Variants in CCSER1 observed in about 807,000 individuals in gnomAD.
The protein encoded by CCSER1 is coiled-coil serine rich protein 1.
CCSER1 carries 41 observed loss-of-function variants against 82.0 expected under a neutral mutation model. The ratio of observed to expected loss-of-function variants is 0.50; its 90% CI spans 0.39 to 0.65. The LOEUF is 0.65. Ranked by LOEUF, CCSER1 falls within the 30% of genes least tolerant of loss-of-function variation. The pLI is 0.00. For synonymous variants in CCSER1, 414 were observed against 383.9 expected (o/e 1.08, Z -0.92); for missense variants, 1,119 against 1,064.2 (o/e 1.05, Z -0.72).
At chr4:91,123,069 T>C (rs540719539) in intron 10 of CCSER1, among the ~76,000 whole-genome samples, 119 of 151,866 alleles carry the variant, frequency 7.8e-4, no homozygotes, top group Middle Eastern at 3.4e-3. Flanking sequence ...TGGGCCTTTA[T>C]TATGCTGCAA....
intron 1 of CCSER1, among the ~76,000 whole-genome samples, chr4:90,243,644 T>A (rs1227484289): frequency 6.6e-6 from 1 of 152,004 alleles, no homozygotes; most frequent in African/African-American, 2.4e-5. Flanking sequence ...AGTCTCAACC[T>A]CCCAAAGCGC....
chr4:91,419,593 T>C (rs2149381757), intron 10 of CCSER1, among the ~76,000 whole-genome samples: 1 of 152,142 alleles, frequency 6.6e-6, no homozygotes, highest in Non-Finnish European at 1.5e-5. Context: ...TGCTCATGGA[T>C]TGAAAGAATT....
intron 4 of CCSER1, among the ~76,000 whole-genome samples, chr4:90,407,807 C>A (rs1018674671): frequency 1.3e-5 from 2 of 152,060 alleles, no homozygotes; most frequent in Non-Finnish European, 2.9e-5. Flanking sequence ...GGGTGTGGCG[C>A]ACCCTACATG....
chr4:91,323,605 C>G (rs184147326), intron 10 of CCSER1, among the ~76,000 whole-genome samples: 2 of 152,148 alleles, frequency 1.3e-5, no homozygotes, highest in African/African-American at 4.8e-5. Flanking sequence ...AGATATTTAC[C>G]TGAATTTCAA....
chr4:90,651,125 T>G lies in CCSER1; in HGVS notation c.1932+22893T>G, dbSNP rs1728672857. Among the ~76,000 whole-genome samples, 6 of 152,194 alleles carry G rather than the reference T, an allele frequency of 3.9e-5. 2 individuals carry two copies. In the South Asian group the frequency reaches 1.2e-3, roughly 32 times the overall value. ...AAATTTTCTCCTTTCTCTTCATTAA[T>G]CCACTCATATCTATTTCATCATGTT... On this transcript the variant is annotated intron_variant, in intron 6 of 10. Transcript: ENST00000509176.
At chr4:90,889,069 G>T (rs1411374089) in intron 8 of CCSER1, among the ~76,000 whole-genome samples, 1 of 152,064 alleles carries the variant, frequency 6.6e-6, no homozygotes, top group Non-Finnish European at 1.5e-5. Context: ...AAGAACGGAA[G>T]AAATCAAGAT....
intron 5 of CCSER1, among the ~76,000 whole-genome samples, chr4:90,480,060 A>G (rs1220374582): frequency 6.6e-6 from 1 of 152,112 alleles, no homozygotes; most frequent in Admixed American, 6.6e-5. Context: ...CTTTTTAATG[A>G]TTGCCATTCT....
At chr4:91,020,588 G>T (rs890018054) in intron 9 of CCSER1, among the ~76,000 whole-genome samples, 2 of 152,014 alleles carry the variant, frequency 1.3e-5, no homozygotes, top group African/African-American at 4.8e-5. Flanking sequence ...CGTGAACCCA[G>T]AAGGCGGGGC....
intron 10 of CCSER1, among the ~76,000 whole-genome samples, chr4:91,374,036 C>T (rs1750222597): frequency 6.6e-6 from 1 of 152,014 alleles, no homozygotes; most frequent in Non-Finnish European, 1.5e-5. Context: ...GTGAAGAAGT[C>T]ACAGAGAAAA....
At chr4:91,432,773 T>G (rs1754405272) in intron 10 of CCSER1, among the ~76,000 whole-genome samples, 1 of 152,192 alleles carries the variant, frequency 6.6e-6, no homozygotes, top group African/African-American at 2.4e-5. Flanking sequence ...ATTAGCTCTT[T>G]GTAGTAATAG....
chr4:91,296,068 A>C (rs1744139344), intron 10 of CCSER1, among the ~76,000 whole-genome samples: 1 of 151,838 alleles, frequency 6.6e-6, no homozygotes, highest in Non-Finnish European at 1.5e-5. Flanking sequence ...CTTAATTTGA[A>C]ATCAGATTTG....
At chr4:90,231,401 G>A (rs532331473) in intron 1 of CCSER1, among the ~76,000 whole-genome samples, 2,388 of 151,210 alleles carry the variant, frequency 0.016, 35 homozygotes, top group African/African-American at 0.041. Flanking sequence ...TGCGGAAAAG[G>A]CCTTTGACAA....
At chr4:90,886,681 GT>G (rs1722169064) in intron 8 of CCSER1, among the ~76,000 whole-genome samples, 1 of 152,028 alleles carries the variant, frequency 6.6e-6, no homozygotes, top group Admixed American at 6.6e-5. Flanking sequence ...GATTATCCTC[GT>G]TTTACTGATC....
intron 8 of CCSER1, among the ~76,000 whole-genome samples, chr4:90,887,907 C>A (rs1241662026): frequency 6.6e-6 from 1 of 151,836 alleles, no homozygotes; most frequent in Non-Finnish European, 1.5e-5. Flanking sequence ...ACAACAACAA[C>A]AAAAACACAA....
intron 9 of CCSER1, among the ~76,000 whole-genome samples, chr4:91,047,730 A>C (rs1227100625): frequency 6.6e-6 from 1 of 152,166 alleles, no homozygotes; most frequent in Non-Finnish European, 1.5e-5. Context: ...TTATTCTCAG[A>C]GGCCATTTTC....
chr4:90,929,215 CAAT>C (rs1169188592), intron 9 of CCSER1, among the ~76,000 whole-genome samples: 11 of 151,814 alleles, frequency 7.2e-5, no homozygotes, highest in Non-Finnish European at 1.6e-4. Context: ...AGAAAGCACT[CAAT>C]GATTACTTGG....
chr4:90,644,495 A>G (rs375583545), intron 6 of CCSER1, among the ~76,000 whole-genome samples: 2 of 151,968 alleles, frequency 1.3e-5, no homozygotes, highest in African/African-American at 4.8e-5. Flanking sequence ...ATTCCAGGAT[A>G]TATGTGCAGA....
chr4:91,014,872 C>T (rs1739291146), intron 9 of CCSER1, among the ~76,000 whole-genome samples: 1 of 152,044 alleles, frequency 6.6e-6, no homozygotes, highest in Admixed American at 6.6e-5. Flanking sequence ...CCACATAGGA[C>T]TGGAAGGTGA....
chr4:90,446,812 C>T (rs768471290), intron 4 of CCSER1, among the ~76,000 whole-genome samples: 14 of 152,094 alleles, frequency 9.2e-5, no homozygotes, highest in Non-Finnish European at 1.3e-4. Flanking sequence ...ACAGCAATAC[C>T]GGCCTCTCCT....
Sources: gnomAD v4.1 joint callset for allele counts (sites outside exome capture counted in the v4.1 genomes callset) on GRCh38, gnomAD v4.1.1 for gene constraint, MANE v1.5 for transcripts, NCBI Gene and HGNC (gene_info 2026-07-23, HGNC 2026-07-21) for gene names.